Variants in ACAD11 observed in about 807,000 individuals in gnomAD.
The protein encoded by ACAD11 is acyl-Coenzyme A dehydrogenase family, member 11.
Under a neutral mutation model 102.2 loss-of-function variants are expected in ACAD11, and 83 were observed. The observed-to-expected ratio is 0.81, with a 90% CI of 0.68 to 0.97. The LOEUF (loss-of-function observed/expected upper bound fraction) is 0.97. ACAD11 is among the 50% of genes least tolerant of loss of function. The pLI is 0.00. For synonymous variants in ACAD11, 324 were observed against 319.8 expected (o/e 1.01, Z -0.14); for missense variants, 901 against 951.7 (o/e 0.95, Z 0.70).
At chr3:132,573,745 AC>A (rs1420865808) in intron 17 of ACAD11, among the ~76,000 whole-genome samples, 1 of 152,208 alleles carries the variant, frequency 6.6e-6, no homozygotes, top group Non-Finnish European at 1.5e-5. Flanking sequence ...GTCTCTATAG[AC>A]CCTAGATTTG....
Position 132,609,203 on chromosome 3 carries a change from T to C in ACAD11, c.1415-3998A>G, listed in dbSNP as rs146532574. ...AGGAGAAAGCGGGAAAGATGTAAAA[T>C]TGACACGCTAACATCACAATTAAAA... is the stretch of plus-strand genomic sequence containing the variant. On this transcript the variant is annotated intron_variant, in intron 11 of 19. Coordinates refer to ENST00000264990, the MANE Select transcript of ACAD11 (RefSeq NM_032169.5). Among the ~76,000 whole-genome samples the C allele has an allele frequency of 7.4e-4, 112 of 152,136 alleles. 2 individuals are homozygous for C. The highest frequency in any genetic ancestry group is 2.6e-3 in the African/African-American group (107 of 41,492).
chr3:132,605,293 T>C (rs1364107997), intron 11 of ACAD11, 88 bp from the exon 12 acceptor site: 29 of 802,528 alleles, frequency 3.6e-5, no homozygotes, highest in Non-Finnish European at 5.9e-6. Flanking sequence ...TAGAAATGCA[T>C]CTTTTTAAAG....
In ACAD11 at chr3:132,601,969, C is replaced by T. The variant is rs546290071; in HGVS notation, c.1621+1260G>A. 1.1e-4 allele frequency: 20 copies of T among 178,086 alleles called. No homozygotes were observed. The South Asian group carries it at 3.1e-3, about 27-fold the overall frequency. The allele number at this position is 178,086 out of a possible 1,614,324, so 11.0% of individuals were successfully genotyped here. A position where few individuals can be genotyped will look rare whatever the true frequency, so the allele number is the denominator to read the frequency against. Reference sequence around the variant, plus strand: ...AAAATAAAACAAGTTAAAAAAAAACCCACTATGCTATAAGTTAGGCCATCT... The same window carrying T: ...AAAATAAAACAAGTTAAAAAAAAACTCACTATGCTATAAGTTAGGCCATCT... On this transcript the variant is annotated intron_variant, in intron 13 of 19. Transcript: ENST00000264990.
At chr3:132,630,099 C>A (rs1939977393) in intron 7 of ACAD11, among the ~76,000 whole-genome samples, 1 of 152,164 alleles carries the variant, frequency 6.6e-6, no homozygotes, top group Non-Finnish European at 1.5e-5. Context: ...TAGTCTGAGG[C>A]AGAGATCATC....
intron 8 of ACAD11, among the ~76,000 whole-genome samples, chr3:132,627,800 G>C (rs531834569): frequency 1.4e-4 from 21 of 152,312 alleles, no homozygotes; most frequent in African/African-American, 5.1e-4. Context: ...CTAACATTAT[G>C]CCATGGGTAC....
chr3:132,588,107 C>T (rs1475715163), intron 13 of ACAD11, among the ~76,000 whole-genome samples: 1 of 152,184 alleles, frequency 6.6e-6, no homozygotes, highest in Non-Finnish European at 1.5e-5. Context: ...AAAACTCACC[C>T]TGTGCCCATC....
chr3:132,624,596 C>T, intron 9 of ACAD11, among the ~76,000 whole-genome samples: 1 of 14,860 alleles, frequency 6.7e-5, no homozygotes, highest in South Asian at 5.0e-3. Flanking sequence ...CAGAGCAAGA[C>T]TCCATTAAAA....
chr3:132,626,858 T>TC (rs776283125), intron 8 of ACAD11, 41 bp from the exon 9 acceptor site: 1 of 1,582,774 alleles, frequency 6.3e-7, no homozygotes, highest in Non-Finnish European at 8.6e-7. Context: ...TACAAAGATG[T>TC]CCAAAGATCA....
At chr3:132,639,323 G>A (rs1402960901) in intron 5 of ACAD11, among the ~76,000 whole-genome samples, 169 bp downstream of exon 5, 7 of 152,174 alleles carry the variant, frequency 4.6e-5, no homozygotes, top group Admixed American at 2.0e-4. Context: ...ACTTATGCTG[G>A]AAAATCTGCA....
intron 17 of ACAD11, among the ~76,000 whole-genome samples, chr3:132,573,382 AG>A (rs774326941): frequency 4.6e-5 from 7 of 152,200 alleles, no homozygotes; most frequent in Non-Finnish European, 8.8e-5. Context: ...TAAAATATAA[AG>A]TATCTCATTA....
intron 13 of ACAD11, among the ~76,000 whole-genome samples, chr3:132,593,733 C>T (rs1173321699): frequency 6.6e-6 from 1 of 151,992 alleles, no homozygotes; most frequent in Non-Finnish European, 1.5e-5. Context: ...AGCAAAATGA[C>T]AGTACAAGAG....
At chr3:132,644,985 T>C (rs1940665365) in intron 1 of ACAD11, 89 bp from the exon 2 acceptor site, 2 of 768,786 alleles carry the variant, frequency 2.6e-6, no homozygotes, top group East Asian at 2.6e-5. Context: ...AAGAAACAAA[T>C]GAAAATAAAT....
chr3:132,566,666 A>G (rs1937222400), intron 17 of ACAD11, among the ~76,000 whole-genome samples: 1 of 152,178 alleles, frequency 6.6e-6, no homozygotes, highest in Non-Finnish European at 1.5e-5. Context: ...AAGAAAAGAA[A>G]CTTATATCCA....
chr3:132,607,076 A>T (rs182731895), intron 11 of ACAD11, among the ~76,000 whole-genome samples: 2 of 152,304 alleles, frequency 1.3e-5, no homozygotes. Flanking sequence ...CAGGAATAGC[A>T]TGAACAACAG....
At chr3:132,651,012 C>T (rs2107900077) in intron 1 of ACAD11, among the ~76,000 whole-genome samples, 1 of 152,288 alleles carries the variant, frequency 6.6e-6, no homozygotes, top group East Asian at 1.9e-4. Flanking sequence ...AATATCTTCT[C>T]TGAATAGACC....
At chr3:132,618,336 G>T in intron 11 of ACAD11, 1 of 328,592 alleles carries the variant, frequency 3.0e-6, no homozygotes, top group Non-Finnish European at 5.4e-6. Flanking sequence ...ATTCCAACTA[G>T]TAATAGAAAT....
At chr3:132,573,641 G>T (rs6799862) in intron 17 of ACAD11, among the ~76,000 whole-genome samples, 3 of 152,114 alleles carry the variant, frequency 2.0e-5, no homozygotes, top group Non-Finnish European at 2.9e-5. Context: ...TTTGATGGCT[G>T]TAAAACAGGA....
intron 12 of ACAD11, among the ~76,000 whole-genome samples, chr3:132,604,591 T>G (rs77760607): frequency 0.013 from 1,976 of 152,316 alleles, 43 homozygotes; most frequent in African/African-American, 0.045. Flanking sequence ...CTTAATGCTT[T>G]CTATGTACAA....
At chr3:132,565,301 C>A (rs2088713) in intron 17 of ACAD11, among the ~76,000 whole-genome samples, 15,108 of 152,160 alleles carry the variant, frequency 0.099, 1,414 homozygotes, top group East Asian at 0.54. Context: ...TCCCCCCAAC[C>A]CATCTTATGG....
Sources: gnomAD v4.1 joint callset for allele counts (sites outside exome capture counted in the v4.1 genomes callset) on GRCh38, gnomAD v4.1.1 for gene constraint, MANE v1.5 for transcripts, NCBI Gene and HGNC (gene_info 2026-07-23, HGNC 2026-07-21) for gene names.